PABPC1: variants seen among roughly 807,000 people sequenced by gnomAD.
PABPC1 encodes the protein poly(A) binding protein cytoplasmic 1, also known as polyadenylate-binding protein 1.
Under a neutral mutation model 74.0 loss-of-function variants are expected in PABPC1, and 4 were observed. The observed-to-expected ratio is 0.05, with a 90% CI of 0.03 to 0.12. The LOEUF is 0.12. PABPC1 is among the 10% of genes least tolerant of loss of function. The pLI is 1.00. For missense variants in PABPC1, 271 were observed against 821.1 expected (o/e 0.33, Z 8.19); for synonymous variants, 227 against 264.1 (o/e 0.86, Z 1.36).
At position 100,721,885 on chromosome 8, in the gene PABPC1, G is replaced by C. The variant is rs1200594635; in HGVS notation, c.-302C>G. On this transcript the variant is annotated 5_prime_UTR_variant, in exon 1 of 15. Transcript: ENST00000318607. The surrounding 1 kb of genome is among the most constrained non-coding windows in gnomAD (Gnocchi z 7.4). Reference sequence around the variant, plus strand: ...GGCCGCGGGCGGGCGGGTCGGTCTCGGCTGCTTCACCGGGTTATTTTATAA... The same window carrying C: ...GGCCGCGGGCGGGCGGGTCGGTCTCCGCTGCTTCACCGGGTTATTTTATAA... The C allele has an allele frequency of 3.1e-6, 1 of 326,554 alleles. No individual in the cohort carries two copies. The highest frequency in any genetic ancestry group is 2.1e-5 in the African/African-American group (1 of 46,960). The allele number at this position is 326,554 out of a possible 1,614,324, so 20.2% of individuals were successfully genotyped here.
At chr8:100,713,897 T>G (rs536846567) in intron 4 of PABPC1, among the ~76,000 whole-genome samples, 1 of 149,658 alleles carries the variant, frequency 6.7e-6, no homozygotes, top group African/African-American at 2.5e-5. Flanking sequence ...TGGTAAGACA[T>G]AGGTAATACA....
intron 4 of PABPC1, among the ~76,000 whole-genome samples, chr8:100,714,213 C>T (rs904118318): frequency 1.3e-5 from 2 of 152,200 alleles, no homozygotes; most frequent in Non-Finnish European, 1.5e-5. Context: ...TGCAGCATTA[C>T]TCATACGGTA....
At position 100,715,448 on chromosome 8, in the gene PABPC1, T is replaced by C. The variant is rs1206178542; in HGVS notation, c.643+14A>G. The C allele has an allele frequency of 1.3e-6, 2 of 1,561,752 alleles. No homozygotes were observed. The highest frequency in any genetic ancestry group is 4.5e-5 in the East Asian group (2 of 44,154). The stretch of plus-strand genomic sequence containing the variant: ...CAGAGCTTTGTGTGTAAAAATTTAA[T>C]TAAGACACATTACCAAACTTGCCAA... On this transcript the variant is annotated intron_variant, in intron 4 of 14. Coordinates refer to ENST00000318607, the MANE Select transcript of PABPC1 (RefSeq NM_002568.4).
chr8:100,716,914 T>G (rs1367861740), intron 3 of PABPC1, among the ~76,000 whole-genome samples: 1 of 152,248 alleles, frequency 6.6e-6, no homozygotes, highest in Non-Finnish European at 1.5e-5. Context: ...TATATCACTT[T>G]TACTCAAAAC....
intron 11 of PABPC1, among the ~76,000 whole-genome samples, chr8:100,706,208 C>T (rs1003083115): frequency 6.6e-6 from 1 of 152,222 alleles, no homozygotes; most frequent in East Asian, 1.9e-4. Context: ...GTGAATTTCT[C>T]GCTGCTTGTC....
chr8:100,714,722 C>CAA (rs141607220), intron 4 of PABPC1, among the ~76,000 whole-genome samples: 9 of 146,058 alleles, frequency 6.2e-5, no homozygotes, highest in African/African-American at 2.2e-4. Context: ...GAGCAAGAGT[C>CAA]AAAAAAAAAA....
rs530110350 is a variant in PABPC1, at chr8:100,709,406, G to C, written c.1245+53C>G. ...GGGGCGAGGGGCACAAAAAACACTAGAAATGACCAAATACGAAAACCTTCA... is the reference window on the plus strand; with the variant it reads ...GGGGCGAGGGGCACAAAAAACACTACAAATGACCAAATACGAAAACCTTCA... On this transcript the variant is annotated intron_variant, in intron 8 of 14. Transcript: ENST00000318607. 13 of 1,604,324 alleles carry C rather than the reference G, an allele frequency of 8.1e-6. No homozygotes were observed. In the East Asian group the frequency reaches 2.9e-4, roughly 36 times the overall value.
rs774134294 is a variant in PABPC1 at position 100,704,917 on chromosome 8, T to C, written c.1818+9A>G. 21 of 1,610,892 alleles carry C rather than the reference T, an allele frequency of 1.3e-5. No homozygotes were observed. The African/African-American group carries it at 2.5e-4, about 19-fold the overall frequency. On this transcript the variant is annotated intron_variant, in intron 13 of 14. Coordinates refer to ENST00000318607, the MANE Select transcript of PABPC1 (RefSeq NM_002568.4). ...GTAAGAGGCAACTTGGTAAATAAAT[T>C]TAAATCACCTTAGAACGGAGTGACT... is the stretch of plus-strand genomic sequence containing the variant.
At position 100,709,231 on chromosome 8, in the gene PABPC1, G is replaced by T. The variant is rs147271165; in HGVS notation, c.1246-8C>A. 287 of 1,579,324 alleles carry T rather than the reference G, an allele frequency of 1.8e-4. 1 individual carries two copies. In the African/African-American group the frequency reaches 3.5e-3, roughly 19 times the overall value. ...TGCAGCACGGTTCTGAGTCTGCAGGGAAAAAAAGCACATGAGTTTATCAGT... is the reference window on the plus strand; with the variant it reads ...TGCAGCACGGTTCTGAGTCTGCAGGTAAAAAAAGCACATGAGTTTATCAGT... On this transcript the variant is annotated splice_polypyrimidine_tract_variant and splice_region_variant and intron_variant, in intron 8 of 14. Coordinates refer to ENST00000318607, the MANE Select transcript of PABPC1 (RefSeq NM_002568.4).
intron 9 of PABPC1, among the ~76,000 whole-genome samples, chr8:100,708,432 GAAGA>G (rs1295710238): frequency 6.6e-6 from 1 of 152,096 alleles, no homozygotes; most frequent in Admixed American, 6.5e-5. Context: ...CTCCAGACTA[GAAGA>G]AAGAGTGAGA....
At chr8:100,716,436 A>G (rs1810671640) in intron 3 of PABPC1, among the ~76,000 whole-genome samples, 1 of 152,224 alleles carries the variant, frequency 6.6e-6, no homozygotes, top group South Asian at 2.1e-4. Flanking sequence ...GAAGAAAAAA[A>G]GGTAGCACAT....
chr8:100,722,024 AAT>A lies in PABPC1; in HGVS notation c.-443_-442del, dbSNP rs1810848746. The A allele has an allele frequency of 6.5e-5, 10 of 154,640 alleles. No individual in the cohort carries two copies. The highest frequency in any genetic ancestry group is 3.4e-3 in the Middle Eastern group (1 of 296). 9.6% of individuals were successfully genotyped at this position (154,640 alleles called of 1,614,324 possible). ...ATTTTTTTTGGATTTTTTAATAATA[AAT>A]GTGTGTTCCGAGCCCGGAGCACACA... On this transcript the variant is annotated 5_prime_UTR_variant, in exon 1 of 15. Transcript: ENST00000318607.
At chr8:100,715,119 A>G (rs2129731114) in intron 4 of PABPC1, among the ~76,000 whole-genome samples, 1 of 128,966 alleles carries the variant, frequency 7.8e-6, no homozygotes, top group Non-Finnish European at 1.6e-5. Context: ...TGGGATCTCT[A>G]ATTACACACA....
chr8:100,709,029 G>T (rs954543982), intron 9 of PABPC1, 104 bp downstream of exon 9: 11 of 885,604 alleles, frequency 1.2e-5, no homozygotes, highest in Non-Finnish European at 2.0e-5. Flanking sequence ...CACAAATTAT[G>T]TGAAATGCAA....
rs60596898 is a variant in PABPC1 at position 100,712,808 on chromosome 8, G to GAAAAA, written c.739-24_739-20dup. 1.2e-5 allele frequency: 16 copies of GAAAAA among 1,368,914 alleles called. No homozygotes were observed. The highest frequency in any genetic ancestry group is 7.2e-5 in the South Asian group (5 of 69,306). The allele number at this position is 1,368,914 out of a possible 1,614,324, so 84.8% of individuals were successfully genotyped here. ...CCACAGCCTTCCCCCCAAAAAAAAAGAAAAAAAAAAAATCACAAAACTTTC... is the reference window on the plus strand; with the variant it reads ...CCACAGCCTTCCCCCCAAAAAAAAAGAAAAAAAAAAAAAAAAATCACAAAACTTTC... On this transcript the variant is annotated intron_variant, in intron 5 of 14. Transcript: ENST00000318607.
intron 1 of PABPC1, among the ~76,000 whole-genome samples, chr8:100,720,684 C>T (rs1810797934): frequency 1.3e-5 from 2 of 152,230 alleles, no homozygotes; most frequent in African/African-American, 4.8e-5. Context: ...TCCCCTCCTC[C>T]CACTCTGCCC....
intron 4 of PABPC1, 86 bp from the exon 5 acceptor site, chr8:100,713,267 A>C (rs1238816659): frequency 9.4e-6 from 7 of 746,724 alleles, no homozygotes; most frequent in Non-Finnish European, 1.2e-5. Flanking sequence ...AAGCCATGAA[A>C]AAAATTTCAA....
chr8:100,708,504 G>A (rs569310823), intron 9 of PABPC1, among the ~76,000 whole-genome samples: 5 of 152,146 alleles, frequency 3.3e-5, no homozygotes, highest in African/African-American at 1.2e-4. Context: ...TGTTCCACAG[G>A]ACAAGACATA....
intron 7 of PABPC1, 126 bp downstream of exon 7, chr8:100,712,236 T>G: frequency 1.7e-6 from 1 of 592,228 alleles, no homozygotes; most frequent in South Asian, 2.7e-5. Context: ...AAATGTGAAT[T>G]TAAGTTTTAG....
Sources: allele counts gnomAD v4.1 joint callset (sites outside exome capture counted in the v4.1 genomes callset), GRCh38; gene constraint gnomAD v4.1.1; non-coding constraint Gnocchi (gnomAD v3.1); transcripts MANE v1.5; gene names NCBI Gene and HGNC (gene_info 2026-07-23, HGNC 2026-07-21).